The following FAT3 variants were observed in gnomAD, a reference collection of about 807,000 sequenced individuals.
FAT3 encodes the protein protocadherin Fat 3.
Under a neutral mutation model 310.2 loss-of-function variants are expected in FAT3, and 95 were observed. The ratio of observed to expected loss-of-function variants is 0.31; its 90% CI spans 0.26 to 0.36. FAT3 has a LOEUF of 0.36. Ranked by LOEUF, FAT3 falls within the 10% of genes least tolerant of loss-of-function variation. FAT3 has a pLI of 1.00. For missense variants in FAT3, 5,408 were observed against 5,715.6 expected, an observed-to-expected ratio of 0.95 and a Z score of 1.74; for synonymous variants, 2,314 against 2,192.9, an observed-to-expected ratio of 1.06 and a Z score of -1.54.
At chr11:92,511,785 G>C (rs1229673390) in intron 2 of FAT3, among the ~76,000 whole-genome samples, 2 of 152,158 alleles carry the variant, frequency 1.3e-5, no homozygotes, top group Non-Finnish European at 2.9e-5. Context: ...GGATATTAAA[G>C]GAAGAGTTGG....
At chr11:92,536,845 C>G (rs988873973) in intron 3 of FAT3, among the ~76,000 whole-genome samples, 1 of 152,158 alleles carries the variant, frequency 6.6e-6, no homozygotes. Context: ...AAACCTCTCT[C>G]CTTGTCTTCA....
At position 92,680,632 on chromosome 11, in the gene FAT3, T is replaced by TA. The variant is rs560147272; in HGVS notation, c.3608-16746dup. ...ATATGAATTTTACGGTTTTTTTTCC[T>TA]AAAAAATTAAATGTACTTAATAACT... On this transcript the variant is annotated intron_variant, in intron 3 of 27. Coordinates refer to ENST00000525166, the MANE Select transcript of FAT3 (RefSeq NM_001367949.2). 4.3e-3 allele frequency among the ~76,000 whole-genome samples: 660 copies of TA among 152,306 alleles called. 4 individuals carry two copies. The highest frequency in any genetic ancestry group is 0.015 in the African/African-American group (621 of 41,570).
intron 2 of FAT3, among the ~76,000 whole-genome samples, chr11:92,361,227 C>T (rs1230995829): frequency 2.6e-5 from 4 of 152,128 alleles, no homozygotes; most frequent in Non-Finnish European, 4.4e-5. Context: ...AGGGCTGGTG[C>T]AAACTTGCAG....
chr11:92,230,564 G>T (rs192950106), intron 1 of FAT3, among the ~76,000 whole-genome samples: 2 of 152,268 alleles, frequency 1.3e-5, no homozygotes, highest in Non-Finnish European at 2.9e-5. Flanking sequence ...AAAGTGCTCG[G>T]ATTAGAGGCA....
Position 92,798,227 on chromosome 11 carries a change from A to G in FAT3, c.5214A>G (p.Gln1738=), listed in dbSNP as rs2136177963. 6.2e-7 allele frequency: 1 copy of G among 1,613,876 alleles called. No homozygotes were observed. Among genetic ancestry groups the G allele is most frequent in the Non-Finnish European group, 8.5e-7 (1 of 1,179,846 alleles). ...ALDYERTSSY[Q]LIIQATNMAG... ...ATTATGAGCGCACATCCTCTTATCA[A>G]CTCATCATTCAGGCCACCAATATGG... The change falls in exon 10 of 28, where the codon CAA becomes CAG. Residue 1738 remains glutamine (Q), a synonymous_variant. Transcript: ENST00000525166.
intron 3 of FAT3, among the ~76,000 whole-genome samples, chr11:92,552,514 A>G (rs894221229): frequency 6.6e-6 from 1 of 152,346 alleles, no homozygotes. Context: ...TATTGCCAAT[A>G]AAATAGGGAA....
chr11:92,707,187 G>A (rs894321627), intron 4 of FAT3, among the ~76,000 whole-genome samples: 2 of 152,198 alleles, frequency 1.3e-5, no homozygotes, highest in Non-Finnish European at 2.9e-5. Flanking sequence ...CTAATTAGTA[G>A]AGCAGCGGTA....
At chr11:92,392,521 C>T (rs953193743) in intron 2 of FAT3, among the ~76,000 whole-genome samples, 1 of 152,132 alleles carries the variant, frequency 6.6e-6, no homozygotes, top group African/African-American at 2.4e-5. Flanking sequence ...CTGTCTCTTG[C>T]TCTCTACCCC....
chr11:92,570,135 T>C (rs919160061), intron 3 of FAT3, among the ~76,000 whole-genome samples: 1 of 152,204 alleles, frequency 6.6e-6, no homozygotes, highest in Non-Finnish European at 1.5e-5. Context: ...ACGGTGAATA[T>C]GCAGCAATTG....
At chr11:92,431,676 A>G (rs1950783946) in intron 2 of FAT3, among the ~76,000 whole-genome samples, 1 of 152,148 alleles carries the variant, frequency 6.6e-6, no homozygotes, top group Non-Finnish European at 1.5e-5. Context: ...TCCATCTTGA[A>G]TTAATTTTTG....
At position 92,352,418 on chromosome 11, in the gene FAT3, C is replaced by G; in HGVS notation, c.306C>G (p.Phe102Leu). 6.2e-7 allele frequency: 1 copy of G among 1,611,966 alleles called. No individual in the cohort carries two copies. Among genetic ancestry groups the G allele is most frequent in the Non-Finnish European group, 8.5e-7 (1 of 1,179,174 alleles). Residue 102 changes from phenylalanine (F) to leucine (L), a missense_variant, in exon 2 of 28, where the codon TTC (phenylalanine) becomes TTG (leucine). Phe to Leu is a conservative substitution (Grantham distance 22). Transcript: ENST00000525166. ...FKAEEVIIAD[F>L]CFLRIRTKGG... is the part of the protein sequence containing the mutation. Reference sequence around the variant, plus strand: ...CAGAGGAAGTCATCATTGCAGATTTCTGTTTTCTCAGAATAAGAACTAAAG... The same window carrying G: ...CAGAGGAAGTCATCATTGCAGATTTGTGTTTTCTCAGAATAAGAACTAAAG...
At position 92,333,072 on chromosome 11, in the gene FAT3, G is replaced by C. The variant is rs146565724; in HGVS notation, c.-17-19024G>C. Among the ~76,000 whole-genome samples the C allele has an allele frequency of 6.0e-4, 91 of 152,234 alleles. 1 individual carries two copies. The East Asian group carries it at 9.5e-3, about 16-fold the overall frequency. On this transcript the variant is annotated intron_variant, in intron 1 of 27. Transcript: ENST00000525166. ...ATTTTAGATAATTGATGGCTCCAAGGTCAAGCCAAGAACCCAAGCACCATA... is the reference window on the plus strand; with the variant it reads ...ATTTTAGATAATTGATGGCTCCAAGCTCAAGCCAAGAACCCAAGCACCATA...
rs539221576 is a variant in FAT3, at chr11:92,696,580, CT to C, written c.3608-801del. ...AGGAAAACAGCCCACACCATATTCT[CT>C]TTAGGGACATTGTGGAATCAAGAAA... On this transcript the variant is annotated intron_variant, in intron 3 of 27. Coordinates refer to ENST00000525166, the MANE Select transcript of FAT3 (RefSeq NM_001367949.2). Among the ~76,000 whole-genome samples the C allele has an allele frequency of 1.3e-3, 205 of 152,262 alleles. 6 individuals are homozygous for C. The highest frequency in any genetic ancestry group is 3.4e-3 in the Middle Eastern group (1 of 294).
intron 4 of FAT3, among the ~76,000 whole-genome samples, chr11:92,746,471 A>T (rs1945675554): frequency 6.6e-6 from 1 of 152,202 alleles, no homozygotes; most frequent in Admixed American, 6.5e-5. Flanking sequence ...GGGGATTATT[A>T]CAATTCAAGG....
chr11:92,294,340 A>G (rs1016301075), intron 1 of FAT3, among the ~76,000 whole-genome samples: 9 of 152,030 alleles, frequency 5.9e-5, no homozygotes, highest in Non-Finnish European at 1.0e-4. Flanking sequence ...CACGCTGAGG[A>G]TTAGGGCTTC....
intron 3 of FAT3, among the ~76,000 whole-genome samples, chr11:92,607,148 T>A (rs511203): frequency 0.48 from 73,405 of 152,058 alleles, 17,945 homozygotes; most frequent in African/African-American, 0.49. Flanking sequence ...CAACTCATAT[T>A]TTGGTAGATT....
chr11:92,240,698 T>G (rs796901726), intron 1 of FAT3, among the ~76,000 whole-genome samples: 1 of 152,058 alleles, frequency 6.6e-6, no homozygotes, highest in South Asian at 2.1e-4. Context: ...TTTGGCTCAT[T>G]TTATTGACAT....
At chr11:92,725,548 G>T (rs1160876617) in intron 4 of FAT3, among the ~76,000 whole-genome samples, 1 of 149,568 alleles carries the variant, frequency 6.7e-6, no homozygotes, top group African/African-American at 2.5e-5. Flanking sequence ...CCTAATAGAA[G>T]AAAAAAAAGA....
chr11:92,397,987 A>G (rs1296805922), intron 2 of FAT3, among the ~76,000 whole-genome samples: 1 of 152,162 alleles, frequency 6.6e-6, no homozygotes, highest in East Asian at 1.9e-4. Flanking sequence ...CTTCAACAGC[A>G]GAAATGTATT....
Sources: allele counts gnomAD v4.1 joint callset (sites outside exome capture counted in the v4.1 genomes callset), GRCh38; gene constraint gnomAD v4.1.1; transcripts MANE v1.5; gene names NCBI Gene and HGNC (gene_info 2026-07-23, HGNC 2026-07-21).